CDH12: variants seen among roughly 807,000 people sequenced by gnomAD.
CDH12 encodes cadherin 12.
CDH12 carries 41 observed loss-of-function variants against 74.1 expected under a neutral mutation model. The observed-to-expected ratio is 0.55, with a 90% CI of 0.43 to 0.72. CDH12 has a LOEUF of 0.72. Among genes scored for constraint, CDH12 ranks in the 30% least tolerant of loss-of-function variants. The pLI, the probability that CDH12 is intolerant of heterozygous loss-of-function variation, is 0.00. For synonymous variants in CDH12, 399 were observed against 355.0 expected (o/e 1.12, Z -1.39); for missense variants, 945 against 977.2 (o/e 0.97, Z 0.44).
chr5:22,398,318 T>C (rs1238997783), intron 3 of CDH12, among the ~76,000 whole-genome samples: 1 of 152,138 alleles, frequency 6.6e-6, no homozygotes, highest in African/African-American at 2.4e-5. Flanking sequence ...TCATTATTAG[T>C]TCTCAGTGAA....
intron 4 of CDH12, among the ~76,000 whole-genome samples, chr5:22,202,724 C>T (rs575060965): frequency 9.9e-5 from 15 of 152,252 alleles, no homozygotes; most frequent in African/African-American, 3.6e-4. Context: ...AACTGAAATA[C>T]ATTCATTCAT....
intron 1 of CDH12, among the ~76,000 whole-genome samples, chr5:22,559,040 C>G (rs759813349): frequency 2.6e-5 from 4 of 152,080 alleles, no homozygotes; most frequent in Non-Finnish European, 5.9e-5. Flanking sequence ...CCTTTTCTAT[C>G]TACTCCTTAC....
In CDH12 at chr5:22,405,353, T is replaced by C. The variant is rs1028925443; in HGVS notation, c.-427-2A>G. 40 of 906,522 alleles carry C rather than the reference T, an allele frequency of 4.4e-5. No individual in the cohort carries two copies. Among genetic ancestry groups the C allele is most frequent in the Non-Finnish European group, 5.3e-5 (40 of 758,186 alleles). 56.2% of individuals were successfully genotyped at this position (906,522 alleles called of 1,614,324 possible). A position where few individuals can be genotyped will look rare whatever the true frequency, so the allele number is the denominator to read the frequency against. On this transcript the variant is annotated splice_acceptor_variant, in intron 2 of 14. Coordinates refer to ENST00000382254, the MANE Select transcript of CDH12 (RefSeq NM_004061.5). LOFTEE classifies it low-confidence loss of function (5UTR_SPLICE). Reference sequence around the variant, plus strand: ...ATTCTATAGCACTGGACATCAAAGCTGAAAAATATGTAAAGAAAATGCTTT... The same window carrying C: ...ATTCTATAGCACTGGACATCAAAGCCGAAAAATATGTAAAGAAAATGCTTT...
At chr5:22,507,368 A>G (rs1736431999) in intron 1 of CDH12, among the ~76,000 whole-genome samples, 1 of 152,116 alleles carries the variant, frequency 6.6e-6, no homozygotes, top group African/African-American at 2.4e-5. Context: ...ATGAAATTAT[A>G]AAATAATTAT....
chr5:22,824,807 TAAC>T (rs1749928074), intron 1 of CDH12, among the ~76,000 whole-genome samples: 2 of 151,828 alleles, frequency 1.3e-5, no homozygotes, highest in African/African-American at 2.4e-5. Flanking sequence ...TTAAACAACA[TAAC>T]AACAATAGCA....
At chr5:21,803,809 C>A (rs1747272056) in intron 9 of CDH12, among the ~76,000 whole-genome samples, 1 of 152,130 alleles carries the variant, frequency 6.6e-6, no homozygotes, top group African/African-American at 2.4e-5. Flanking sequence ...TACTGTAGTA[C>A]ACCTGGGGAA....
chr5:22,380,555 T>C (rs762331342), intron 3 of CDH12, among the ~76,000 whole-genome samples: 3 of 152,068 alleles, frequency 2.0e-5, no homozygotes, highest in Non-Finnish European at 2.9e-5. Context: ...AAAACTACTA[T>C]GTACTTTCAT....
intron 3 of CDH12, among the ~76,000 whole-genome samples, chr5:22,336,088 G>A (rs1739569022): frequency 6.6e-6 from 1 of 152,170 alleles, no homozygotes; most frequent in Non-Finnish European, 1.5e-5. Context: ...CTCTTGTTAT[G>A]TTTTAGCAAA....
At chr5:22,595,804 C>T (rs1736572960) in intron 1 of CDH12, among the ~76,000 whole-genome samples, 2 of 152,068 alleles carry the variant, frequency 1.3e-5, no homozygotes, top group African/African-American at 4.8e-5. Flanking sequence ...GGGCCGGGCA[C>T]CGTGGCTCAC....
rs1743374521 is a variant in CDH12, at chr5:22,416,073, T to C, written c.-427-10722A>G. On this transcript the variant is annotated intron_variant, in intron 2 of 14. Coordinates refer to ENST00000382254, the MANE Select transcript of CDH12 (RefSeq NM_004061.5). ...GTACTTGTAGGTCTTTTTTTTTTTT[T>C]TTTTTTTTTTTTTTTTTTTGAGACG... 1.5e-4 allele frequency among the ~76,000 whole-genome samples: 18 copies of C among 118,446 alleles called. No individual in the cohort carries two copies. In the South Asian group the frequency reaches 5.3e-3, roughly 35 times the overall value. 77.7% of individuals were successfully genotyped at this position (118,446 alleles called of 152,430 possible).
Position 22,117,523 on chromosome 5 carries a change from AAT to A in CDH12, c.-186-38663_-186-38662del, listed in dbSNP as rs60686782. On this transcript the variant is annotated intron_variant, in intron 4 of 14. Coordinates refer to ENST00000382254, the MANE Select transcript of CDH12 (RefSeq NM_004061.5). The stretch of plus-strand genomic sequence containing the variant: ...TATAATATATATATAATATATATAT[AAT>A]ATATATATATATATATAGTGTGTGC... Among the ~76,000 whole-genome samples the A allele has an allele frequency of 2.3e-3, 152 of 65,540 alleles. 1 individual carries two copies. The highest frequency in any genetic ancestry group is 7.2e-3 in the Middle Eastern group (1 of 138). The allele number at this position is 65,540 out of a possible 152,430, so 43.0% of individuals were successfully genotyped here. A position where few individuals can be genotyped will look rare whatever the true frequency, so the allele number is the denominator to read the frequency against.
At chr5:22,666,159 C>T (rs1291015563) in intron 1 of CDH12, among the ~76,000 whole-genome samples, 1 of 151,940 alleles carries the variant, frequency 6.6e-6, no homozygotes, top group African/African-American at 2.4e-5. Flanking sequence ...ATGCAGTTGA[C>T]AAATCTCACA....
intron 4 of CDH12, among the ~76,000 whole-genome samples, chr5:22,210,320 T>C (rs1353792187): frequency 7.4e-6 from 1 of 135,338 alleles, no homozygotes; most frequent in Non-Finnish European, 1.6e-5. Flanking sequence ...CTCAATCAAA[T>C]GAAAAATGGA....
intron 1 of CDH12, among the ~76,000 whole-genome samples, chr5:22,512,994 G>A (rs945922463): frequency 4.6e-5 from 7 of 152,106 alleles, no homozygotes; most frequent in African/African-American, 1.4e-4. Context: ...CCGAGATCCC[G>A]CCACTGCAGT....
chr5:22,818,217 G>A (rs1429840848), intron 1 of CDH12, among the ~76,000 whole-genome samples: 6 of 152,090 alleles, frequency 3.9e-5, no homozygotes, highest in South Asian at 2.1e-4. Context: ...TGCAAAGGAA[G>A]CCATACAAGA....
intron 4 of CDH12, among the ~76,000 whole-genome samples, chr5:22,132,155 T>C (rs1215077766): frequency 6.6e-6 from 1 of 151,912 alleles, no homozygotes; most frequent in Non-Finnish European, 1.5e-5. Flanking sequence ...CATAGATATA[T>C]AGATGGAAGG....
intron 5 of CDH12, among the ~76,000 whole-genome samples, chr5:22,000,437 T>C (rs191759789): frequency 1.7e-3 from 262 of 152,300 alleles, no homozygotes; most frequent in Middle Eastern, 0.017. Flanking sequence ...TAAAGCTATA[T>C]GTGTAAGTCT....
intron 3 of CDH12, among the ~76,000 whole-genome samples, chr5:22,358,913 A>G (rs1740679106): frequency 6.6e-6 from 1 of 152,194 alleles, no homozygotes; most frequent in Non-Finnish European, 1.5e-5. Context: ...TATTCACAAC[A>G]AAATTTTGAT....
Position 21,878,766 on chromosome 5 carries a change from A to G in CDH12, c.527-23976T>C, listed in dbSNP as rs191103756. Among the ~76,000 whole-genome samples, 10 of 126,082 alleles carry G rather than the reference A, an allele frequency of 7.9e-5. No homozygotes were observed. The Admixed American group carries it at 8.8e-4, about 11-fold the overall frequency. The allele number at this position is 126,082 out of a possible 152,430, so 82.7% of individuals were successfully genotyped here. A position where few individuals can be genotyped will look rare whatever the true frequency, so the allele number is the denominator to read the frequency against. On this transcript the variant is annotated intron_variant, in intron 6 of 14. Transcript: ENST00000382254. ...GAGACCCTGTTGAAAGAAGAAAAGA[A>G]AGAAAGAAAAGAAAGAAAAAAAGAA... is the stretch of plus-strand genomic sequence containing the variant.
Sources: allele counts gnomAD v4.1 joint callset (sites outside exome capture counted in the v4.1 genomes callset), GRCh38; gene constraint gnomAD v4.1.1; transcripts MANE v1.5; gene names NCBI Gene and HGNC (gene_info 2026-07-23, HGNC 2026-07-21).